Variants in ANKIB1 observed in about 807,000 individuals in gnomAD.
The protein encoded by ANKIB1 is ankyrin repeat and IBR domain containing 1.
A neutral mutation model predicts 122.1 loss-of-function variants in ANKIB1; 43 were observed. That is an observed-to-expected ratio of 0.35 (90% CI 0.28 to 0.45). ANKIB1 has a LOEUF of 0.45. Among genes scored for constraint, ANKIB1 ranks in the 20% least tolerant of loss-of-function variants. The probability of loss-of-function intolerance (pLI) is 1.00; values close to 1 mark genes in which losing one functional copy is unlikely to be tolerated. For synonymous variants in ANKIB1, 390 were observed against 442.0 expected (o/e 0.88, Z 1.48); for missense variants, 992 against 1,329.5 (o/e 0.75, Z 3.95).
At chr7:92,350,584 A>G (rs1166842470) in intron 7 of ANKIB1, among the ~76,000 whole-genome samples, 1 of 152,196 alleles carries the variant, frequency 6.6e-6, no homozygotes, top group Admixed American at 6.5e-5. Context: ...TTGGCCAGAC[A>G]CAGTAGTTCA....
chr7:92,261,334 G>A (rs1037254927), intron 1 of ANKIB1, among the ~76,000 whole-genome samples: 7 of 146,154 alleles, frequency 4.8e-5, no homozygotes, highest in Non-Finnish European at 7.5e-5. Flanking sequence ...GGGCGACAGA[G>A]CGAGACTCCG....
chr7:92,347,546 A>C (rs1001771845), intron 7 of ANKIB1, among the ~76,000 whole-genome samples: 4 of 152,150 alleles, frequency 2.6e-5, no homozygotes, highest in South Asian at 2.1e-4. Flanking sequence ...TCAGGAGTTC[A>C]AGACTACAGT....
intron 1 of ANKIB1, among the ~76,000 whole-genome samples, chr7:92,269,351 A>T (rs573925245): frequency 6.6e-6 from 1 of 152,234 alleles, no homozygotes; most frequent in African/African-American, 2.4e-5. Context: ...TTAAATTAGA[A>T]AAAACAAGTA....
chr7:92,370,964 G>A (rs1175867381), intron 10 of ANKIB1, among the ~76,000 whole-genome samples: 1 of 152,178 alleles, frequency 6.6e-6, no homozygotes, highest in Non-Finnish European at 1.5e-5. Flanking sequence ...GAGATGCTTA[G>A]TTTTAGATAT....
At position 92,394,076 on chromosome 7, in the gene ANKIB1, G is replaced by C. The variant is rs1454998161; in HGVS notation, c.2283+1784G>C. ...GCTCAGTGGAAATAGCATAAAGTCT[G>C]AGGAACACCTGAATTCAAGTTCTAA... is the stretch of plus-strand genomic sequence containing the variant. On this transcript the variant is annotated intron_variant, in intron 17 of 19. Coordinates refer to ENST00000265742, the MANE Select transcript of ANKIB1 (RefSeq NM_019004.2). Among the ~76,000 whole-genome samples the C allele has an allele frequency of 3.9e-5, 6 of 152,182 alleles. No individual in the cohort carries two copies. In the South Asian group the frequency reaches 1.0e-3, roughly 26 times the overall value.
chr7:92,284,989 T>A (rs1408440596), intron 1 of ANKIB1, among the ~76,000 whole-genome samples: 1 of 152,236 alleles, frequency 6.6e-6, no homozygotes, highest in African/African-American at 2.4e-5. Flanking sequence ...AGGTAATTAT[T>A]TACTTAGAAC....
Position 92,398,590 on chromosome 7 carries a change from G to A in ANKIB1, c.2911G>A (p.Gly971Ser), listed in dbSNP as rs1360836511. 1.1e-5 allele frequency: 17 copies of A among 1,613,742 alleles called. No homozygotes were observed. The highest frequency in any genetic ancestry group is 5.3e-5 in the African/African-American group (4 of 74,862). ...QDPNINDNLL[G>S]NIMAWFHDMN... The stretch of plus-strand genomic sequence containing the variant: ...CCCCAACATCAATGACAATCTTCTC[G>A]GCAACATCATGGCTTGGTTTCATGA... Residue 971 changes from glycine (G) to serine (S), a missense_variant, in exon 20 of 20, where the codon GGC becomes AGC. Coordinates refer to ENST00000265742, the MANE Select transcript of ANKIB1 (RefSeq NM_019004.2).
rs1802325287 is a variant in ANKIB1, at chr7:92,295,014, C to T, written c.36C>T (p.Leu12=). 2.5e-6 allele frequency: 4 copies of T among 1,606,644 alleles called. No homozygotes were observed. The East Asian group carries it at 6.7e-5, about 27-fold the overall frequency. Residue 12 remains leucine, a synonymous_variant, in exon 2 of 20, where the codon CTC becomes CTT. Coordinates refer to ENST00000265742, the MANE Select transcript of ANKIB1 (RefSeq NM_019004.2). ...GNTTTKFRKA[L]INGDENLACQ... is the part of the protein sequence containing the mutation. ...CAACCACCAAATTCCGTAAAGCACT[C>T]ATCAATGGTGATGAAAACCTGGCCT...
chr7:92,309,942 A>AAAAAAAAT (rs1335765681), intron 3 of ANKIB1, among the ~76,000 whole-genome samples: 1 of 91,790 alleles, frequency 1.1e-5, no homozygotes, highest in Non-Finnish European at 2.0e-5. Flanking sequence ...AAAAAAAAAA[A>AAAAAAAAT]ATATATATAT....
chr7:92,334,533 CA>C (rs1803244955), intron 5 of ANKIB1, among the ~76,000 whole-genome samples: 1 of 151,650 alleles, frequency 6.6e-6, no homozygotes, highest in South Asian at 2.1e-4. Context: ...AAATAATTTT[CA>C]AATAGTAAAA....
At chr7:92,376,507 T>C (rs1229700199) in intron 11 of ANKIB1, among the ~76,000 whole-genome samples, 1 of 151,228 alleles carries the variant, frequency 6.6e-6, no homozygotes, top group Non-Finnish European at 1.5e-5. Flanking sequence ...TGGTGTGCAA[T>C]GGTGGATCTC....
intron 3 of ANKIB1, among the ~76,000 whole-genome samples, chr7:92,315,748 T>C (rs945854724): frequency 6.6e-6 from 1 of 152,172 alleles, no homozygotes; most frequent in South Asian, 2.1e-4. Context: ...TTCTGGAATA[T>C]TGTTTCATTA....
At chr7:92,355,851 A>C (rs984612877) in intron 9 of ANKIB1, among the ~76,000 whole-genome samples, 3 of 52,928 alleles carry the variant, frequency 5.7e-5, no homozygotes, top group Non-Finnish European at 1.2e-4. Flanking sequence ...TCCGTCTCAT[A>C]ATAATAATAA....
At chr7:92,280,612 C>T (rs1002953784) in intron 1 of ANKIB1, among the ~76,000 whole-genome samples, 2 of 152,128 alleles carry the variant, frequency 1.3e-5, no homozygotes, top group African/African-American at 2.4e-5. Context: ...TCTTTCTCCT[C>T]CTATCTCAGG....
chr7:92,378,295 T>C (rs777990566), intron 11 of ANKIB1, among the ~76,000 whole-genome samples: 1 of 152,092 alleles, frequency 6.6e-6, no homozygotes, highest in Non-Finnish European at 1.5e-5. Context: ...AAATTCACAA[T>C]CCATGTCAGT....
intron 9 of ANKIB1, among the ~76,000 whole-genome samples, chr7:92,361,617 T>G (rs1165229252): frequency 3.9e-5 from 6 of 152,186 alleles, no homozygotes; most frequent in Admixed American, 3.9e-4. Flanking sequence ...CAAATCTAAG[T>G]TATAAATATT....
chr7:92,246,237 A>G lies in ANKIB1; in HGVS notation c.-373A>G, dbSNP rs905498965. The G allele has an allele frequency of 8.0e-6, 3 of 376,612 alleles. No individual in the cohort carries two copies. The highest frequency in any genetic ancestry group is 1.5e-5 in the Non-Finnish European group (3 of 198,458). 23.3% of individuals were successfully genotyped at this position (376,612 alleles called of 1,614,324 possible). On this transcript the variant is annotated 5_prime_UTR_variant, in exon 1 of 20. Coordinates refer to ENST00000265742, the MANE Select transcript of ANKIB1 (RefSeq NM_019004.2). ...TCCCCTCCCCCGAGTGAGGCGGCGC[A>G]GCGGCCGGAGAGGGATGGGGGGCGC...
chr7:92,372,019 T>C (rs1439963809), intron 11 of ANKIB1, among the ~76,000 whole-genome samples: 1 of 136,732 alleles, frequency 7.3e-6, no homozygotes, highest in Non-Finnish European at 1.6e-5. Flanking sequence ...GTGTATCAAA[T>C]GATTAACAAA....
intron 11 of ANKIB1, among the ~76,000 whole-genome samples, chr7:92,385,359 G>A (rs1455853112): frequency 6.6e-6 from 1 of 152,190 alleles, no homozygotes; most frequent in African/African-American, 2.4e-5. Context: ...AATACCATTT[G>A]ATCCAGCGAT....
Sources: allele counts gnomAD v4.1 joint callset (sites outside exome capture counted in the v4.1 genomes callset), GRCh38; gene constraint gnomAD v4.1.1; transcripts MANE v1.5; gene names NCBI Gene and HGNC (gene_info 2026-07-23, HGNC 2026-07-21).